Variants in SAE1 observed in about 807,000 individuals in gnomAD.
SAE1 encodes the protein SUMO-activating enzyme subunit 1.
Under a neutral mutation model 40.6 loss-of-function variants are expected in SAE1, and 11 were observed. That is an observed-to-expected ratio of 0.27 (90% confidence interval 0.17 to 0.45). The LOEUF (loss-of-function observed/expected upper bound fraction) is 0.45, where lower values mean the gene tolerates loss of function less well. Among genes scored for constraint, SAE1 ranks in the 20% least tolerant of loss-of-function variants. SAE1 has a pLI of 1.00. For missense variants in SAE1, 373 were observed against 427.3 expected, an observed-to-expected ratio of 0.87 and a Z score of 1.12; for synonymous variants, 155 against 154.3, an observed-to-expected ratio of 1.00 and a Z score of -0.03.
intron 1 of SAE1, 146 bp from the exon 2 acceptor site, chr19:47,143,348 G>C: frequency 1.7e-6 from 1 of 602,718 alleles, no homozygotes; most frequent in South Asian, 1.8e-5. Context: ...CAAGTGATCC[G>C]CCTATCTCAG....
intron 6 of SAE1, chr19:47,180,206 G>A (rs750862955): frequency 4.8e-5 from 22 of 456,098 alleles, no homozygotes; most frequent in Middle Eastern, 3.2e-4. Context: ...AGCACTGAAC[G>A]CACTCATGCC....
Position 47,209,368 on chromosome 19 carries a change from C to G in SAE1, c.*117C>G. 1 of 1,549,020 alleles carries G rather than the reference C, an allele frequency of 6.5e-7. No homozygotes were observed. Among genetic ancestry groups the G allele is most frequent in the Non-Finnish European group, 8.8e-7 (1 of 1,137,784 alleles). On this transcript the variant is annotated 3_prime_UTR_variant, in exon 9 of 9. Transcript: ENST00000270225. ...GAAAACTGAAGTCATTGGCCCGATA[C>G]AAAACATTTCCTGCAACGAAGGAGG...
At chr19:47,192,548 C>G (rs1193409876) in intron 6 of SAE1, among the ~76,000 whole-genome samples, 1 of 151,668 alleles carries the variant, frequency 6.6e-6, no homozygotes, top group African/African-American at 2.4e-5. Context: ...TGCCCGGCTA[C>G]TTAATTTATT....
At position 47,210,122 on chromosome 19, in the gene SAE1, GT is replaced by G. The variant is rs1374894878; in HGVS notation, c.*874del. ...TACCTCCTAAACCACAGCTGTTTGT[GT>G]TTCACATATGTTGTGAATTTTCCTT... is the stretch of plus-strand genomic sequence containing the variant. On this transcript the variant is annotated 3_prime_UTR_variant, in exon 9 of 9. Coordinates refer to ENST00000270225, the MANE Select transcript of SAE1 (RefSeq NM_005500.3). 6.6e-6 allele frequency: 1 copy of G among 152,120 alleles called. No individual in the cohort carries two copies. Among genetic ancestry groups the G allele is most frequent in the Non-Finnish European group, 1.5e-5 (1 of 68,028 alleles). The allele number at this position is 152,120 out of a possible 1,614,324, so 9.4% of individuals were successfully genotyped here.
chr19:47,153,649 G>A (rs2058302081), intron 4 of SAE1, among the ~76,000 whole-genome samples: 1 of 152,112 alleles, frequency 6.6e-6, no homozygotes, highest in African/African-American at 2.4e-5. Flanking sequence ...AGCCTCTCAG[G>A]CAAGTCACTG....
chr19:47,192,579 G>C (rs573064006), intron 6 of SAE1, among the ~76,000 whole-genome samples: 9 of 152,110 alleles, frequency 5.9e-5, no homozygotes, highest in Non-Finnish European at 8.8e-5. Context: ...GCCTCTCTCT[G>C]TAGCCCAGAC....
intron 6 of SAE1, among the ~76,000 whole-genome samples, chr19:47,192,794 C>G (rs566410636): frequency 6.6e-6 from 1 of 152,070 alleles, no homozygotes; most frequent in African/African-American, 2.4e-5. Flanking sequence ...CCCACCTTAG[C>G]CTCCCAAAGT....
At chr19:47,140,449 A>G (rs1437148677) in intron 1 of SAE1, among the ~76,000 whole-genome samples, 2 of 151,742 alleles carry the variant, frequency 1.3e-5, no homozygotes, top group Non-Finnish European at 2.9e-5. Context: ...ATGGGGTTTC[A>G]CCATGTTGGC....
intron 6 of SAE1, among the ~76,000 whole-genome samples, chr19:47,181,611 T>A (rs1266932859): frequency 2.0e-5 from 3 of 150,098 alleles, no homozygotes; most frequent in African/African-American, 7.3e-5. Context: ...CCCAGGTAGC[T>A]GGGACTACAG....
At chr19:47,139,586 CTTTTTTTTTT>C (rs71179299) in intron 1 of SAE1, among the ~76,000 whole-genome samples, 2 of 122,804 alleles carry the variant, frequency 1.6e-5, no homozygotes, top group African/African-American at 6.3e-5. Flanking sequence ...GAATGTGTAT[CTTTTTTTTTT>C]TTTTTTTTTG....
At chr19:47,184,198 G>A (rs1309310106) in intron 6 of SAE1, among the ~76,000 whole-genome samples, 1 of 152,106 alleles carries the variant, frequency 6.6e-6, no homozygotes, top group Non-Finnish European at 1.5e-5. Context: ...TGGGTTAGGG[G>A]AGCCAAATCC....
intron 5 of SAE1, among the ~76,000 whole-genome samples, chr19:47,167,486 C>T (rs910818845): frequency 2.0e-5 from 3 of 151,990 alleles, no homozygotes; most frequent in Non-Finnish European, 4.4e-5. Context: ...GTGATCTGCC[C>T]GCCTTGGCCT....
chr19:47,151,219 G>C (rs2058286005), intron 3 of SAE1, among the ~76,000 whole-genome samples: 2 of 151,128 alleles, frequency 1.3e-5, no homozygotes, highest in African/African-American at 4.9e-5. Context: ...GTGCGATCTT[G>C]GCTCATGGCA....
intron 6 of SAE1, among the ~76,000 whole-genome samples, chr19:47,178,015 G>A (rs1451168318): frequency 6.6e-6 from 1 of 152,028 alleles, no homozygotes; most frequent in Admixed American, 6.6e-5. Context: ...GACTGAGGTG[G>A]GCAGATCATG....
chr19:47,155,739 G>C (rs1446220133), intron 5 of SAE1, among the ~76,000 whole-genome samples: 2 of 139,604 alleles, frequency 1.4e-5, no homozygotes, highest in Non-Finnish European at 3.1e-5. Context: ...ACCATGCCCG[G>C]CCCCATACCC....
Position 47,150,410 on chromosome 19 carries a change from TA to T in SAE1, c.384+38del, listed in dbSNP as rs746789894. ...TTATTATAAAATCTGCTGTGGGAAT[TA>T]AACAAATTAAGGTGCTAGTTGTATA... On this transcript the variant is annotated intron_variant, in intron 3 of 8. Coordinates refer to ENST00000270225, the MANE Select transcript of SAE1 (RefSeq NM_005500.3). The T allele has an allele frequency of 6.5e-6, 10 of 1,532,446 alleles. No individual in the cohort carries two copies. In the South Asian group the frequency reaches 1.1e-4, roughly 16 times the overall value. 94.9% of individuals were successfully genotyped at this position (1,532,446 alleles called of 1,614,324 possible).
intron 1 of SAE1, among the ~76,000 whole-genome samples, chr19:47,141,869 A>G (rs1021246190): frequency 3.9e-5 from 6 of 152,196 alleles, no homozygotes; most frequent in African/African-American, 1.2e-4. Flanking sequence ...GATGCAGCCC[A>G]AGATCTTGAT....
intron 8 of SAE1, among the ~76,000 whole-genome samples, chr19:47,204,509 C>CT (rs1555797191): frequency 0.013 from 1,482 of 112,962 alleles, 38 homozygotes; most frequent in African/African-American, 0.034. Context: ...CACCCCCCCC[C>CT]TTTTTTTTTT....
intron 6 of SAE1, among the ~76,000 whole-genome samples, chr19:47,174,733 C>CG (rs1393752658): frequency 6.6e-6 from 1 of 151,784 alleles, no homozygotes; most frequent in East Asian, 1.9e-4. Flanking sequence ...CCACCATGCC[C>CG]GGCTAATTTT....
Sources: gnomAD v4.1 joint callset for allele counts (sites outside exome capture counted in the v4.1 genomes callset) on GRCh38, gnomAD v4.1.1 for gene constraint, MANE v1.5 for transcripts, NCBI Gene and HGNC (gene_info 2026-07-23, HGNC 2026-07-21) for gene names.